Variants in MAGI2 observed in about 807,000 individuals in gnomAD.
The protein encoded by MAGI2 is membrane-associated guanylate kinase, WW and PDZ domain-containing protein 2.
In MAGI2, 35 loss-of-function variants were observed where a neutral mutation model predicts 133.3. The ratio of observed to expected loss-of-function variants is 0.26; its 90% CI spans 0.20 to 0.35. MAGI2 has a LOEUF of 0.35. Ranked by LOEUF, MAGI2 falls within the 10% of genes least tolerant of loss-of-function variation. The pLI is 1.00. For missense variants in MAGI2, 1,636 were observed against 1,863.4 expected, an observed-to-expected ratio of 0.88 and a Z score of 2.25; for synonymous variants, 729 against 710.6, an observed-to-expected ratio of 1.03 and a Z score of -0.41.
chr7:78,617,644 ATTAC>A (rs1807254316), intron 3 of MAGI2: 2 of 152,096 alleles, frequency 1.3e-5, no homozygotes, highest in South Asian at 4.1e-4. Context: ...TTTGACAAAT[ATTAC>A]TTTATAAATT....
chr7:79,429,753 C>G (rs1847648014), intron 1 of MAGI2, among the ~76,000 whole-genome samples: 1 of 151,994 alleles, frequency 6.6e-6, no homozygotes, highest in South Asian at 2.1e-4. Flanking sequence ...TAAGGTTATT[C>G]AAGAATCTTC....
At chr7:78,527,844 T>C (rs1297678924) in intron 3 of MAGI2, among the ~76,000 whole-genome samples, 1 of 152,254 alleles carries the variant, frequency 6.6e-6, no homozygotes, top group African/African-American at 2.4e-5. Context: ...TAATAATATG[T>C]GTAGGTTTTA....
intron 2 of MAGI2, among the ~76,000 whole-genome samples, chr7:78,717,510 G>A (rs1035214328): frequency 6.6e-6 from 1 of 152,150 alleles, no homozygotes; most frequent in Admixed American, 6.5e-5. Context: ...TGAATCGTGT[G>A]TGCTTTCAAC....
chr7:78,219,573 G>A (rs185949983), intron 10 of MAGI2, among the ~76,000 whole-genome samples: 3 of 152,016 alleles, frequency 2.0e-5, no homozygotes, highest in East Asian at 3.9e-4. Flanking sequence ...CCCCCCCACC[G>A]ATGTCAAGAC....
intron 1 of MAGI2, among the ~76,000 whole-genome samples, chr7:79,375,219 A>G (rs1843303597): frequency 6.6e-6 from 1 of 152,034 alleles, no homozygotes; most frequent in Admixed American, 6.6e-5. Context: ...GTATAATTTC[A>G]TTCTGTATGA....
rs569862902 is a variant in MAGI2, at chr7:78,820,558, G to A, written c.418+186532C>T. Among the ~76,000 whole-genome samples, 4 of 151,934 alleles carry A rather than the reference G, an allele frequency of 2.6e-5. No homozygotes were observed. In the East Asian group the frequency reaches 7.7e-4, roughly 29 times the overall value. On this transcript the variant is annotated intron_variant, in intron 2 of 21. Transcript: ENST00000354212. ...TTAAAAAAGTGGAATAATACAGTATGCTCTATCAGAGCATTTTAAAAGAAA... is the reference window on the plus strand; with the variant it reads ...TTAAAAAAGTGGAATAATACAGTATACTCTATCAGAGCATTTTAAAAGAAA...
chr7:78,510,645 T>A (rs1236524528), intron 4 of MAGI2, among the ~76,000 whole-genome samples: 2 of 152,188 alleles, frequency 1.3e-5, no homozygotes, highest in Non-Finnish European at 2.9e-5. Flanking sequence ...GAGCTTTTCT[T>A]CCTCAATAGA....
chr7:78,645,316 T>C (rs1040982830), intron 2 of MAGI2, among the ~76,000 whole-genome samples: 1 of 152,168 alleles, frequency 6.6e-6, no homozygotes, highest in Non-Finnish European at 1.5e-5. Context: ...ATAAGGCCAA[T>C]ATTACCATGA....
chr7:78,524,322 T>C lies in MAGI2; in HGVS notation c.539-2677A>G, dbSNP rs990880847. On this transcript the variant is annotated intron_variant, in intron 3 of 21. Coordinates refer to ENST00000354212, the MANE Select transcript of MAGI2 (RefSeq NM_012301.4). ...ACAAATCTCCACTCCATTTGCCTTC[T>C]CACTGGGTTGTTGTGAAGACGAAGT... 1.8e-4 allele frequency among the ~76,000 whole-genome samples: 28 copies of C among 152,202 alleles called. No homozygotes were observed. The East Asian group carries it at 4.6e-3, about 25-fold the overall frequency.
intron 2 of MAGI2, among the ~76,000 whole-genome samples, chr7:78,685,573 G>T: frequency 2.4e-5 from 3 of 125,178 alleles, no homozygotes; most frequent in African/African-American, 6.1e-5. Context: ...CAGTTTTTTT[G>T]CTTAAACAAC....
At chr7:78,759,162 A>G (rs1824241821) in intron 2 of MAGI2, among the ~76,000 whole-genome samples, 1 of 152,184 alleles carries the variant, frequency 6.6e-6, no homozygotes, top group Non-Finnish European at 1.5e-5. Flanking sequence ...TAATGTCAAT[A>G]AAATAACAAA....
intron 2 of MAGI2, among the ~76,000 whole-genome samples, chr7:78,770,441 T>C (rs985994925): frequency 6.6e-6 from 1 of 152,232 alleles, no homozygotes; most frequent in Non-Finnish European, 1.5e-5. Flanking sequence ...CAAATGCACT[T>C]GGTTCTCTGA....
chr7:79,136,001 A>AAGAG (rs375189000), intron 1 of MAGI2, among the ~76,000 whole-genome samples: 1 of 35,770 alleles, frequency 2.8e-5, no homozygotes, highest in African/African-American at 1.0e-4. Flanking sequence ...GAAAGAAAGA[A>AAGAG]AGAGAAAGAA....
chr7:79,094,717 T>C (rs997723135), intron 1 of MAGI2, among the ~76,000 whole-genome samples: 3 of 152,184 alleles, frequency 2.0e-5, no homozygotes, highest in African/African-American at 7.2e-5. Context: ...TCCTTGTACA[T>C]CTCTACAAGA....
intron 1 of MAGI2, among the ~76,000 whole-genome samples, chr7:79,200,285 G>C (rs966368456): frequency 2.6e-5 from 4 of 151,808 alleles, no homozygotes; most frequent in Non-Finnish European, 4.4e-5. Flanking sequence ...GCAACAAAAA[G>C]TTGCTGGAAA....
At chr7:79,210,626 A>G (rs1335096128) in intron 1 of MAGI2, among the ~76,000 whole-genome samples, 2 of 152,072 alleles carry the variant, frequency 1.3e-5, no homozygotes, top group East Asian at 1.9e-4. Context: ...ATGTCCCAGC[A>G]CTAAAAACTT....
At chr7:78,990,905 T>TACACAC (rs140828645) in intron 2 of MAGI2, among the ~76,000 whole-genome samples, 51,529 of 141,244 alleles carry the variant, frequency 0.36, 9,251 homozygotes, top group East Asian at 0.4. Context: ...TATATGTACA[T>TACACAC]ACACACACAC....
intron 2 of MAGI2, among the ~76,000 whole-genome samples, chr7:78,738,231 G>C (rs1822059648): frequency 6.6e-6 from 1 of 152,136 alleles, no homozygotes; most frequent in African/African-American, 2.4e-5. Context: ...TTTCTTGAAA[G>C]ACTGGGGATG....
chr7:78,116,370 AG>A (rs990582056), intron 20 of MAGI2, among the ~76,000 whole-genome samples: 1 of 150,480 alleles, frequency 6.6e-6, no homozygotes, highest in African/African-American at 2.4e-5. Flanking sequence ...AAAAAAAAAA[AG>A]AAGAACAACA....
Sources: allele counts gnomAD v4.1 joint callset (sites outside exome capture counted in the v4.1 genomes callset), GRCh38; gene constraint gnomAD v4.1.1; transcripts MANE v1.5; gene names NCBI Gene and HGNC (gene_info 2026-07-23, HGNC 2026-07-21).